SNX7: variants seen among roughly 807,000 people sequenced by gnomAD.
SNX7 encodes the protein sorting nexin 7.
A neutral mutation model predicts 48.4 loss-of-function variants in SNX7; 35 were observed. The observed-to-expected ratio is 0.72, with a 90% CI of 0.55 to 0.96. The LOEUF (loss-of-function observed/expected upper bound fraction) is 0.96, where lower values mean the gene tolerates loss of function less well. Among genes scored for constraint, SNX7 ranks in the 40% least tolerant of loss-of-function variants. The pLI is 0.00. For synonymous variants in SNX7, 190 were observed against 190.2 expected (o/e 1.00, Z 0.01); for missense variants, 553 against 548.9 (o/e 1.01, Z -0.07).
intron 2 of SNX7, among the ~76,000 whole-genome samples, chr1:98,686,250 T>C (rs1187736917): frequency 6.6e-6 from 1 of 152,198 alleles, no homozygotes; most frequent in Non-Finnish European, 1.5e-5. Flanking sequence ...TCTATTGAAC[T>C]CTTAAGGAAT....
At chr1:98,697,562 G>C (rs942147340) in intron 5 of SNX7, among the ~76,000 whole-genome samples, 1 of 152,012 alleles carries the variant, frequency 6.6e-6, no homozygotes, top group East Asian at 1.9e-4. Context: ...AAAAATTTTT[G>C]AATACATAGC....
In SNX7 at chr1:98,698,800, C is replaced by T. The variant is rs149072737; in HGVS notation, c.933C>T (p.Ser311=). The change falls in exon 6 of 9, where the codon AGC becomes AGT. Residue 311 remains serine, a synonymous_variant. Coordinates refer to ENST00000306121, the MANE Select transcript of SNX7 (RefSeq NM_015976.5). ...TTGATACTCTAAAGGATGTTGCCAG[C>T]TGCATTGACAGATGCTGTAAGGCCA... ...DLVDTLKDVA[S]CIDRCCKATE... is the part of the protein sequence containing the mutation. The T allele has an allele frequency of 6.2e-7, 1 of 1,613,664 alleles. No homozygotes were observed. The highest frequency in any genetic ancestry group is 2.2e-5 in the East Asian group (1 of 44,864).
In SNX7 at chr1:98,698,908, A is replaced by G. The variant is rs1336050812; in HGVS notation, c.1038+3A>G. 6.2e-7 allele frequency: 1 copy of G among 1,612,938 alleles called. No homozygotes were observed. The highest frequency in any genetic ancestry group is 8.5e-7 in the Non-Finnish European group (1 of 1,179,082). Reference sequence around the variant, plus strand: ...TGCTTTATAGTGAAATGTTAATGGTAAGAACACCTAATTCTAATTTTACCT... The same window carrying G: ...TGCTTTATAGTGAAATGTTAATGGTGAGAACACCTAATTCTAATTTTACCT... On this transcript the variant is annotated splice_donor_region_variant and intron_variant, in intron 6 of 8. Coordinates refer to ENST00000306121, the MANE Select transcript of SNX7 (RefSeq NM_015976.5).
intron 8 of SNX7, among the ~76,000 whole-genome samples, chr1:98,751,683 C>A (rs1048813330): frequency 9.9e-5 from 15 of 152,062 alleles, no homozygotes; most frequent in Non-Finnish European, 4.4e-5. Context: ...TTAATTTTTT[C>A]TGCAGTGAGA....
intron 8 of SNX7, among the ~76,000 whole-genome samples, chr1:98,754,152 T>G (rs981440687): frequency 6.6e-6 from 1 of 152,088 alleles, no homozygotes; most frequent in Admixed American, 6.6e-5. Flanking sequence ...AATATTGCAT[T>G]TAATATCATC....
intron 8 of SNX7, among the ~76,000 whole-genome samples, chr1:98,747,115 A>G (rs991693075): frequency 2.0e-5 from 3 of 152,154 alleles, no homozygotes; most frequent in African/African-American, 7.2e-5. Context: ...ATTATTAAGT[A>G]GTTAAGCAGG....
intron 8 of SNX7, among the ~76,000 whole-genome samples, chr1:98,741,528 T>C (rs1654068639): frequency 6.6e-6 from 1 of 152,210 alleles, no homozygotes; most frequent in Admixed American, 6.6e-5. Context: ...AATGATGTTG[T>C]TCCCATTTTG....
chr1:98,738,141 AGGCT>A (rs1325523473), intron 7 of SNX7, 92 bp from the exon 8 acceptor site: 6 of 1,254,378 alleles, frequency 4.8e-6, no homozygotes, highest in Non-Finnish European at 6.6e-6. Context: ...AGTTATATTT[AGGCT>A]GTTTTGGTAT....
At chr1:98,756,842 A>G (rs9434450) in intron 8 of SNX7, among the ~76,000 whole-genome samples, 108,368 of 151,884 alleles carry the variant, frequency 0.71, 40,065 homozygotes, top group South Asian at 0.82. Flanking sequence ...TTAGAGGGAT[A>G]CTAATATAGT....
At chr1:98,687,042 A>G (rs1163335395) in intron 2 of SNX7, among the ~76,000 whole-genome samples, 1 of 152,152 alleles carries the variant, frequency 6.6e-6, no homozygotes, top group Admixed American at 6.6e-5. Flanking sequence ...AGTAGTAGTA[A>G]TAATAATATG....
chr1:98,730,841 G>A (rs1185161048), intron 7 of SNX7, among the ~76,000 whole-genome samples: 1 of 152,060 alleles, frequency 6.6e-6, no homozygotes, highest in African/African-American at 2.4e-5. Context: ...GTAATTTATG[G>A]ATTCAATGCT....
At chr1:98,701,976 A>C in intron 7 of SNX7, 73 bp downstream of exon 7, 1 of 1,003,250 alleles carries the variant, frequency 1.0e-6, no homozygotes, top group Non-Finnish European at 1.5e-6. Context: ...ATGTCCTTAC[A>C]TGATTGTCCT....
At chr1:98,682,978 T>C (rs1035767059) in intron 1 of SNX7, among the ~76,000 whole-genome samples, 7 of 152,216 alleles carry the variant, frequency 4.6e-5, no homozygotes, top group Admixed American at 4.6e-4. Flanking sequence ...AGACTTTCTG[T>C]TGCATTTTTA....
intron 1 of SNX7, among the ~76,000 whole-genome samples, chr1:98,663,995 T>C (rs1392024757): frequency 6.6e-6 from 1 of 152,200 alleles, no homozygotes; most frequent in Non-Finnish European, 1.5e-5. Context: ...TTATCTGTAG[T>C]TAAGCAAATT....
intron 1 of SNX7, among the ~76,000 whole-genome samples, chr1:98,666,615 CTG>C (rs1649547974): frequency 6.6e-6 from 1 of 152,274 alleles, no homozygotes; most frequent in South Asian, 2.1e-4. Context: ...ATAAAGGTGA[CTG>C]TGTCAGTATC....
chr1:98,689,415 C>A (rs987914067), intron 2 of SNX7, among the ~76,000 whole-genome samples: 1 of 152,134 alleles, frequency 6.6e-6, no homozygotes, highest in Non-Finnish European at 1.5e-5. Context: ...CCTCTGTTTT[C>A]TTCTTCTGTT....
Position 98,661,770 on chromosome 1 carries a change from G to C in SNX7, c.39G>C (p.Ser13=), listed in dbSNP as rs370614739. 7.3e-5 allele frequency: 90 copies of C among 1,241,132 alleles called. No individual in the cohort carries two copies. The highest frequency in any genetic ancestry group is 3.1e-4 in the Middle Eastern group (1 of 3,220). The allele number at this position is 1,241,132 out of a possible 1,614,324, so 76.9% of individuals were successfully genotyped here. ...GCCGGGCATCGCAGGCGCCCTCCTCGGGCCTCCCGGCCGGGGGCGCCAACG... is the reference window on the plus strand; with the variant it reads ...GCCGGGCATCGCAGGCGCCCTCCTCCGGCCTCCCGGCCGGGGGCGCCAACG... The part of the protein sequence containing the change: ...GERRASQAPS[S]GLPAGGANGE... The change falls in exon 1 of 9, where the codon TCG becomes TCC. Residue 13 remains serine, a synonymous_variant. Transcript: ENST00000306121.
intron 7 of SNX7, among the ~76,000 whole-genome samples, chr1:98,712,551 A>C (rs2100992614): frequency 6.6e-6 from 1 of 152,250 alleles, no homozygotes; most frequent in South Asian, 2.1e-4. Flanking sequence ...TATTCAGTAA[A>C]CCATACTATA....
At chr1:98,663,653 T>C (rs1482122720) in intron 1 of SNX7, among the ~76,000 whole-genome samples, 1 of 152,108 alleles carries the variant, frequency 6.6e-6, no homozygotes, top group African/African-American at 2.4e-5. Context: ...TGCCTAAAGC[T>C]CTCTCAGACT....
Sources: gnomAD v4.1 joint callset for allele counts (sites outside exome capture counted in the v4.1 genomes callset) on GRCh38, gnomAD v4.1.1 for gene constraint, MANE v1.5 for transcripts, NCBI Gene and HGNC (gene_info 2026-07-23, HGNC 2026-07-21) for gene names.